Variants in SH3BP5L observed in about 807,000 individuals in gnomAD.
SH3BP5L encodes the protein SH3 binding domain protein 5 like, also known as SH3 domain-binding protein 5-like.
In SH3BP5L, 16 loss-of-function variants were observed where a neutral mutation model predicts 40.9. The ratio of observed to expected loss-of-function variants is 0.39; its 90% CI spans 0.27 to 0.59. SH3BP5L has a LOEUF of 0.59. SH3BP5L is among the 20% of genes least tolerant of loss of function. The probability of loss-of-function intolerance (pLI) is 0.53; values close to 1 mark genes in which losing one functional copy is unlikely to be tolerated. For missense variants in SH3BP5L, 471 were observed against 544.6 expected, an observed-to-expected ratio of 0.86 and a Z score of 1.35; for synonymous variants, 229 against 226.7, an observed-to-expected ratio of 1.01 and a Z score of -0.09.
Position 248,824,769 on chromosome 1 carries a change from A to G in SH3BP5L, c.167T>C (p.Leu56Pro). Residue 56 changes from leucine to proline, a missense_variant, in exon 2 of 7, where the codon CTG (leucine) becomes CCG (proline). By Grantham distance (98) the Leu-to-Pro change is moderately conservative (BLOSUM62 -3). Coordinates refer to ENST00000366472, the MANE Select transcript of SH3BP5L (RefSeq NM_030645.3). ...AKLSPREEEELDPRIQEELEH... is the reference protein window; with the variant it reads ...AKLSPREEEEPDPRIQEELEH... ...TGCTCTCACCTGTATTCTAGGATCC[A>G]GTTCTTCCTCCTCTCTTGGGGACAA... is the stretch of plus-strand genomic sequence containing the variant. 6.2e-7 allele frequency: 1 copy of G among 1,613,942 alleles called. No homozygotes were observed. The highest frequency in any genetic ancestry group is 1.3e-5 in the African/African-American group (1 of 75,046).
rs182969194 is a variant in SH3BP5L at position 248,817,344 on chromosome 1, A to G, written c.184-460T>C. On this transcript the variant is annotated intron_variant, in intron 2 of 6. Coordinates refer to ENST00000366472, the MANE Select transcript of SH3BP5L (RefSeq NM_030645.3). Reference sequence around the variant, plus strand: ...GTTTACTGCACACTTATCACCTCTCAGGACCGTGAGACCTGAGAATTCAGG... The same window carrying G: ...GTTTACTGCACACTTATCACCTCTCGGGACCGTGAGACCTGAGAATTCAGG... Among the ~76,000 whole-genome samples, 63 of 152,284 alleles carry G rather than the reference A, an allele frequency of 4.1e-4. 1 individual carries two copies. The highest frequency in any genetic ancestry group is 2.3e-3 in the Admixed American group (35 of 15,302).
intron 2 of SH3BP5L, chr1:248,817,218 C>CT: frequency 1.4e-5 from 7 of 483,912 alleles, no homozygotes; most frequent in South Asian, 1.3e-4. Flanking sequence ...CGTGAGATTG[C>CT]AACACTTCCT....
At chr1:248,817,714 G>A (rs1051820827) in intron 2 of SH3BP5L, among the ~76,000 whole-genome samples, 3 of 152,160 alleles carry the variant, frequency 2.0e-5, no homozygotes, top group African/African-American at 7.2e-5. Context: ...TTAGCCGGGT[G>A]TGGCAGCGTG....
intron 2 of SH3BP5L, among the ~76,000 whole-genome samples, chr1:248,819,979 AAT>A (rs1352102891): frequency 6.6e-6 from 1 of 152,192 alleles, no homozygotes; most frequent in Non-Finnish European, 1.5e-5. Context: ...CATTTAACCC[AAT>A]ATATACAAAA....
chr1:248,818,535 C>A (rs1270495037), intron 2 of SH3BP5L, among the ~76,000 whole-genome samples: 1 of 152,156 alleles, frequency 6.6e-6, no homozygotes, highest in Non-Finnish European at 1.5e-5. Context: ...CAATGGGTGA[C>A]CATGACCGCA....
At position 248,812,436 on chromosome 1, in the gene SH3BP5L, A is replaced by G; in HGVS notation, c.712-66T>C. On this transcript the variant is annotated intron_variant, in intron 6 of 6. Coordinates refer to ENST00000366472, the MANE Select transcript of SH3BP5L (RefSeq NM_030645.3). This position sits in a 1 kb window ranked among gnomAD's most constrained non-coding sequence, Gnocchi z 6.1. ...GTCTCCACCTTCCTCAGCACTCTGC[A>G]CTGAGGTCTGAGGGCCTGCTCTCCC... The G allele has an allele frequency of 7.8e-7, 1 of 1,285,940 alleles. No homozygotes were observed. The highest frequency in any genetic ancestry group is 1.1e-6 in the Non-Finnish European group (1 of 908,984). The allele number at this position is 1,285,940 out of a possible 1,614,324, so 79.7% of individuals were successfully genotyped here.
chr1:248,814,444 C>T lies in SH3BP5L; in HGVS notation c.537+5G>A. Reference sequence around the variant, plus strand: ...AAGGGGACCTGCTGGCACCGCCCGGCTCACCTTGCAGGTAGCATGGTTCAG... The same window carrying T: ...AAGGGGACCTGCTGGCACCGCCCGGTTCACCTTGCAGGTAGCATGGTTCAG... On this transcript the variant is annotated splice_donor_5th_base_variant and intron_variant, in intron 5 of 6. Transcript: ENST00000366472. 6.2e-7 allele frequency: 1 copy of T among 1,613,878 alleles called. No homozygotes were observed. The highest frequency in any genetic ancestry group is 8.5e-7 in the Non-Finnish European group (1 of 1,179,996).
rs1485986020 is a variant in SH3BP5L, at chr1:248,811,276, C to G, written c.*624G>C. 6.6e-6 allele frequency: 1 copy of G among 152,396 alleles called. No homozygotes were observed. The highest frequency in any genetic ancestry group is 1.5e-5 in the Non-Finnish European group (1 of 68,206). 9.4% of individuals were successfully genotyped at this position (152,396 alleles called of 1,614,324 possible). A position where few individuals can be genotyped will look rare whatever the true frequency, so the allele number is the denominator to read the frequency against. On this transcript the variant is annotated 3_prime_UTR_variant, in exon 7 of 7. Coordinates refer to ENST00000366472, the MANE Select transcript of SH3BP5L (RefSeq NM_030645.3). The stretch of plus-strand genomic sequence containing the variant: ...GTAAGTTCTGCTTTGGGGCACACAT[C>G]GCAGAGTGCCTCAGGTCATGAAAGG...
At chr1:248,824,590 G>A (rs918142548) in intron 2 of SH3BP5L, among the ~76,000 whole-genome samples, 163 bp downstream of exon 2, 3 of 152,198 alleles carry the variant, frequency 2.0e-5, no homozygotes, top group African/African-American at 7.2e-5. Context: ...CAACTCTTTT[G>A]GAACTTGTTA....
intron 5 of SH3BP5L, chr1:248,813,378 C>G (rs1437718753): frequency 1.6e-5 from 7 of 429,410 alleles, no homozygotes; most frequent in Non-Finnish European, 2.4e-5. Flanking sequence ...TGCTGCCTGA[C>G]CGTCGAGGAC....
chr1:248,819,311 T>C (rs925057316), intron 2 of SH3BP5L, among the ~76,000 whole-genome samples: 2 of 151,486 alleles, frequency 1.3e-5, no homozygotes, highest in Non-Finnish European at 2.9e-5. Context: ...GGATGTCCAA[T>C]CTTTTTGCTT....
Position 248,821,991 on chromosome 1 carries a change from T to G in SH3BP5L, c.183+2762A>C, listed in dbSNP as rs1664264695. Among the ~76,000 whole-genome samples the G allele has an allele frequency of 6.6e-6, 1 of 152,230 alleles. No individual in the cohort carries two copies. The highest frequency in any genetic ancestry group is 1.5e-5 in the Non-Finnish European group (1 of 68,038). On this transcript the variant is annotated intron_variant, in intron 2 of 6. Coordinates refer to ENST00000366472, the MANE Select transcript of SH3BP5L (RefSeq NM_030645.3). This position sits in a 1 kb window ranked among gnomAD's most constrained non-coding sequence, Gnocchi z 4.6. ...TGGGATATACCTGGCCCAGTGGATT[T>G]GGCTCTGACTGTAACATCAGAATCC... is the stretch of plus-strand genomic sequence containing the variant.
At chr1:248,817,694 A>G (rs1317544050) in intron 2 of SH3BP5L, among the ~76,000 whole-genome samples, 1 of 152,070 alleles carries the variant, frequency 6.6e-6, no homozygotes, top group Non-Finnish European at 1.5e-5. Flanking sequence ...CTCTACTAGA[A>G]ATACAAAAAT....
intron 2 of SH3BP5L, among the ~76,000 whole-genome samples, chr1:248,823,982 C>A (rs1175185757): frequency 6.6e-6 from 1 of 152,232 alleles, no homozygotes; most frequent in African/African-American, 2.4e-5. Flanking sequence ...CCAGGCATCT[C>A]TTCCACATGG....
intron 2 of SH3BP5L, among the ~76,000 whole-genome samples, chr1:248,817,893 C>T (rs1417924563): frequency 6.6e-6 from 1 of 152,066 alleles, no homozygotes; most frequent in African/African-American, 2.4e-5. Context: ...GGCCAAGGAA[C>T]CAAAGGGGAG....
At chr1:248,814,770 T>C (rs1260735332) in intron 4 of SH3BP5L, 160 bp from the exon 5 acceptor site, 1 of 764,656 alleles carries the variant, frequency 1.3e-6, no homozygotes, top group South Asian at 1.5e-5. Context: ...GAAGCAACAT[T>C]CTATAAAGAA....
In SH3BP5L at chr1:248,811,954, C is replaced by G; in HGVS notation, c.1128G>C (p.Arg376=). The change falls in exon 7 of 7, where the codon CGG becomes CGC. Residue 376 remains arginine, a synonymous_variant. Transcript: ENST00000366472. ...CCCCACGGGCTCCGCCGTCGCTGCC[C>G]CGGCGCCCTCCACTCCGCGTTCCCA... is the stretch of plus-strand genomic sequence containing the variant. ...QELGTRSGGR[R]GSDGGARGGR... is the part of the protein sequence containing the mutation. 6.4e-7 allele frequency: 1 copy of G among 1,571,912 alleles called. No individual in the cohort carries two copies. Among genetic ancestry groups the G allele is most frequent in the Non-Finnish European group, 8.6e-7 (1 of 1,159,312 alleles).
chr1:248,812,745 C>G lies in SH3BP5L; in HGVS notation c.711+244G>C, dbSNP rs893609171. Among the ~76,000 whole-genome samples, 1 of 152,174 alleles carries G rather than the reference C, an allele frequency of 6.6e-6. No individual in the cohort carries two copies. Among genetic ancestry groups the G allele is most frequent in the Non-Finnish European group, 1.5e-5 (1 of 68,028 alleles). On this transcript the variant is annotated intron_variant, in intron 6 of 6. Coordinates refer to ENST00000366472, the MANE Select transcript of SH3BP5L (RefSeq NM_030645.3). The surrounding 1 kb of genome is among the most constrained non-coding windows in gnomAD (Gnocchi z 6.1). ...TCCCAGATTTCCACCAGTTCTTTTC[C>G]TCTTGTTTACCTCCCTTCTTCCAAC...
At chr1:248,822,786 C>A (rs962497035) in intron 2 of SH3BP5L, among the ~76,000 whole-genome samples, 8 of 151,990 alleles carry the variant, frequency 5.3e-5, no homozygotes, top group African/African-American at 1.9e-4. Context: ...CCTCAACCCC[C>A]CAAGTAGCTG....
Sources: allele counts gnomAD v4.1 joint callset (sites outside exome capture counted in the v4.1 genomes callset), GRCh38; gene constraint gnomAD v4.1.1; non-coding constraint Gnocchi (gnomAD v3.1); transcripts MANE v1.5; gene names NCBI Gene and HGNC (gene_info 2026-07-23, HGNC 2026-07-21).